ADAMTS3: variants seen among roughly 807,000 people sequenced by gnomAD.
The protein encoded by ADAMTS3 is ADAM metallopeptidase with thrombospondin type 1 motif 3.
Under a neutral mutation model 129.0 loss-of-function variants are expected in ADAMTS3, and 73 were observed. The ratio of observed to expected loss-of-function variants is 0.57; its 90% CI spans 0.47 to 0.69. ADAMTS3 has a LOEUF of 0.69. ADAMTS3 is among the 30% of genes least tolerant of loss of function. The pLI is 0.00. For synonymous variants in ADAMTS3, 477 were observed against 510.8 expected (o/e 0.93, Z 0.89); for missense variants, 1,457 against 1,514.5 (o/e 0.96, Z 0.63).
chr4:72,535,181 T>C lies in ADAMTS3; in HGVS notation c.504+13297A>G, dbSNP rs566816834. Among the ~76,000 whole-genome samples the C allele has an allele frequency of 3.3e-5, 5 of 152,234 alleles. No individual in the cohort carries two copies. The South Asian group carries it at 1.0e-3, about 32-fold the overall frequency. ...CTGTAAGAAGCCAGGAAGTAAAGTG[T>C]AAAATATTGGTACACCCTAAGCAAA... is the stretch of plus-strand genomic sequence containing the variant. On this transcript the variant is annotated intron_variant, in intron 3 of 21. Transcript: ENST00000286657.
rs116561652 is a variant in ADAMTS3, at chr4:72,506,418, C to T, written c.504+42060G>A. Among the ~76,000 whole-genome samples, 1,223 of 152,312 alleles carry T rather than the reference C, an allele frequency of 8.0e-3. 19 individuals carry two copies. The highest frequency in any genetic ancestry group is 0.028 in the African/African-American group (1,175 of 41,566). ...GGGGAGGGCACAATTCCAGTGCCAA[C>T]TGTTGAGGCACTTTCCAAAGTTCTG... On this transcript the variant is annotated intron_variant, in intron 3 of 21. Coordinates refer to ENST00000286657, the MANE Select transcript of ADAMTS3 (RefSeq NM_014243.3).
At chr4:72,309,644 A>G (rs1719178998) in intron 14 of ADAMTS3, 124 bp from the exon 15 acceptor site, 6 of 1,017,016 alleles carry the variant, frequency 5.9e-6, no homozygotes, top group Non-Finnish European at 8.3e-6. Context: ...GCAAACTGCC[A>G]CTGTAGTCAT....
At chr4:72,306,089 T>C (rs1316253713) in intron 15 of ADAMTS3, 22 bp from the exon 16 acceptor site, 2 of 1,563,838 alleles carry the variant, frequency 1.3e-6, no homozygotes, top group Non-Finnish European at 1.7e-6. Context: ...TAGTAAATAT[T>C]GTAGGAAGCA....
At chr4:72,285,062 T>A (rs1286113957) in intron 21 of ADAMTS3, among the ~76,000 whole-genome samples, 2 of 152,206 alleles carry the variant, frequency 1.3e-5, no homozygotes, top group Non-Finnish European at 2.9e-5. Flanking sequence ...TATTATTGGG[T>A]AATACTATAC....
intron 4 of ADAMTS3, among the ~76,000 whole-genome samples, chr4:72,412,547 G>T (rs1251045731): frequency 2.0e-5 from 3 of 151,972 alleles, no homozygotes; most frequent in African/African-American, 7.2e-5. Flanking sequence ...CAAGAGAGTT[G>T]CACTTCTAAC....
intron 3 of ADAMTS3, among the ~76,000 whole-genome samples, chr4:72,427,027 C>T (rs887228402): frequency 6.6e-6 from 1 of 152,112 alleles, no homozygotes; most frequent in African/African-American, 2.4e-5. Flanking sequence ...CTATTGCTGC[C>T]ATAACAAATT....
chr4:72,351,390 A>G (rs750976679), intron 4 of ADAMTS3, among the ~76,000 whole-genome samples: 1 of 151,874 alleles, frequency 6.6e-6, no homozygotes, highest in South Asian at 2.1e-4. Flanking sequence ...CTTGGACTTG[A>G]TGAAGTTAGG....
chr4:72,298,346 G>A lies in ADAMTS3; in HGVS notation c.2521C>T (p.Gln841Ter). Residue 841 changes from glutamine to a stop codon, truncating the protein, a stop_gained, in exon 18 of 22, where the codon CAG becomes TAG. Transcript: ENST00000286657. LOFTEE classifies it high-confidence loss of function. ...VPTINSNNVIQEELDTFEWAL... is the reference protein window; with the variant it reads ...VPTINSNNVI ...CACTCAAAAGTATCTAATTCTTCCT[G>A]GATGACATTGTTGCTGTTGATTGTA... 2 of 1,613,166 alleles carry A rather than the reference G, an allele frequency of 1.2e-6. No individual in the cohort carries two copies. The highest frequency in any genetic ancestry group is 1.3e-5 in the African/African-American group (1 of 74,984).
At chr4:72,417,207 C>T (rs962010914) in intron 3 of ADAMTS3, among the ~76,000 whole-genome samples, 2 of 152,172 alleles carry the variant, frequency 1.3e-5, no homozygotes, top group Admixed American at 1.3e-4. Flanking sequence ...CAGAAACTCC[C>T]TATCTTAAGA....
intron 3 of ADAMTS3, among the ~76,000 whole-genome samples, chr4:72,499,435 G>C (rs1487299904): frequency 6.6e-6 from 1 of 152,014 alleles, no homozygotes; most frequent in East Asian, 1.9e-4. Flanking sequence ...ATTTATACAA[G>C]TCAATATAAA....
chr4:72,319,240 TG>T, intron 9 of ADAMTS3, 91 bp downstream of exon 9: 1 of 1,463,520 alleles, frequency 6.8e-7, no homozygotes. Context: ...TTTCATTTAC[TG>T]GGAATTTTGC....
intron 3 of ADAMTS3, among the ~76,000 whole-genome samples, chr4:72,471,341 A>G (rs977621621): frequency 3.3e-5 from 5 of 152,128 alleles, no homozygotes; most frequent in African/African-American, 1.2e-4. Flanking sequence ...CCATGACACA[A>G]TATTTTCCAA....
At chr4:72,512,142 G>A (rs924476429) in intron 3 of ADAMTS3, among the ~76,000 whole-genome samples, 2 of 152,100 alleles carry the variant, frequency 1.3e-5, no homozygotes, top group African/African-American at 4.8e-5. Flanking sequence ...GTTGTGGGGA[G>A]TTGGATCAGT....
chr4:72,423,327 T>A (rs1340254192), intron 3 of ADAMTS3, among the ~76,000 whole-genome samples: 2 of 152,160 alleles, frequency 1.3e-5, no homozygotes, highest in African/African-American at 4.8e-5. Flanking sequence ...ATATCAATAT[T>A]GTGTGTGTAA....
At chr4:72,325,125 AC>A (rs1719667278) in intron 5 of ADAMTS3, among the ~76,000 whole-genome samples, 1 of 152,106 alleles carries the variant, frequency 6.6e-6, no homozygotes, top group Non-Finnish European at 1.5e-5. Flanking sequence ...GAAAAGAAAA[AC>A]AAGAATTAAT....
At chr4:72,524,747 A>G (rs1720766067) in intron 3 of ADAMTS3, among the ~76,000 whole-genome samples, 1 of 152,168 alleles carries the variant, frequency 6.6e-6, no homozygotes, top group Admixed American at 6.6e-5. Flanking sequence ...TAAAGTATAT[A>G]ACTGGCATAC....
At chr4:72,451,103 G>A (rs1056833485) in intron 3 of ADAMTS3, among the ~76,000 whole-genome samples, 1 of 151,670 alleles carries the variant, frequency 6.6e-6, no homozygotes, top group East Asian at 2.0e-4. Flanking sequence ...ACAAGTAAAA[G>A]GATAGCATAC....
At chr4:72,408,945 T>C (rs938468199) in intron 4 of ADAMTS3, among the ~76,000 whole-genome samples, 6 of 151,716 alleles carry the variant, frequency 4.0e-5, no homozygotes, top group Non-Finnish European at 8.8e-5. Context: ...AGGGATAACA[T>C]TGGGAGAAAT....
chr4:72,378,234 T>C (rs1490887227), intron 4 of ADAMTS3, among the ~76,000 whole-genome samples: 3 of 152,160 alleles, frequency 2.0e-5, no homozygotes, highest in African/African-American at 7.2e-5. Context: ...ACTAAGCCTA[T>C]GAATGAAGCA....
Sources: allele counts gnomAD v4.1 joint callset (sites outside exome capture counted in the v4.1 genomes callset), GRCh38; gene constraint gnomAD v4.1.1; transcripts MANE v1.5; gene names NCBI Gene and HGNC (gene_info 2026-07-23, HGNC 2026-07-21).